Variants in NEIL1 observed in about 807,000 individuals in gnomAD.
NEIL1 encodes the protein endonuclease 8-like 1.
In NEIL1, 31 loss-of-function variants were observed where a neutral mutation model predicts 44.2. The observed-to-expected ratio is 0.70, with a 90% CI of 0.53 to 0.95. The LOEUF is 0.95. Among genes scored for constraint, NEIL1 ranks in the 40% least tolerant of loss-of-function variants. The pLI is 0.00. For synonymous variants in NEIL1, 254 were observed against 209.7 expected (o/e 1.21, Z -1.83); for missense variants, 549 against 515.5 (o/e 1.07, Z -0.63).
rs1491213890 is a variant in NEIL1 at position 75,353,736 on chromosome 15, CAG to C, written c.719-2_719-1del. 1.2e-5 allele frequency: 19 copies of C among 1,613,954 alleles called. No homozygotes were observed. The highest frequency in any genetic ancestry group is 1.6e-5 in the Non-Finnish European group (19 of 1,179,948). ...GATCTCTGCCTGTTCCTCTGTCCCA[CAG>C]GGGGCAAAGGCTACGGGTCAGAGAG... On this transcript the variant is annotated splice_acceptor_variant, in intron 5 of 9. Transcript: ENST00000355059. LOFTEE classifies it high-confidence loss of function.
intron 2 of NEIL1, chr15:75,351,239 GATAAAC>G (rs1272454697): frequency 2.2e-6 from 1 of 448,310 alleles, no homozygotes; most frequent in Admixed American, 2.4e-5. Context: ...AGTCTGAGGT[GATAAAC>G]ACACAACCTC....
In NEIL1 at chr15:75,354,825, T is replaced by C; in HGVS notation, c.1102+7T>C. The C allele has an allele frequency of 6.2e-7, 1 of 1,613,928 alleles. No homozygotes were observed. The highest frequency in any genetic ancestry group is 1.7e-5 in the Admixed American group (1 of 60,012). On this transcript the variant is annotated splice_region_variant and intron_variant, in intron 9 of 9. Coordinates refer to ENST00000355059, the MANE Select transcript of NEIL1 (RefSeq NM_024608.4). ...GGGCGACAGGCAGCCTCTGGTGGGC[T>C]TTCCTCATCACTCCCAGAAACTGGC...
Position 75,355,735 on chromosome 15 carries a change from AC to A in NEIL1, c.*702del. 2.1e-6 allele frequency: 1 copy of A among 471,490 alleles called. No individual in the cohort carries two copies. The highest frequency in any genetic ancestry group is 2.0e-5 in the African/African-American group (1 of 49,152). 29.2% of individuals were successfully genotyped at this position (471,490 alleles called of 1,614,324 possible). A position where few individuals can be genotyped will look rare whatever the true frequency, so the allele number is the denominator to read the frequency against. On this transcript the variant is annotated 3_prime_UTR_variant, in exon 10 of 10. Coordinates refer to ENST00000355059, the MANE Select transcript of NEIL1 (RefSeq NM_024608.4). Reference sequence around the variant, plus strand: ...TACCTGGGAAGCCATCCCACCCCAGACTTCCCACCCCCACCCCAAGCGTGAG... The same window carrying A: ...TACCTGGGAAGCCATCCCACCCCAGATTCCCACCCCCACCCCAAGCGTGAG...
intron 1 of NEIL1, chr15:75,347,987 C>A (rs1352117906): frequency 8.1e-7 from 1 of 1,227,732 alleles, no homozygotes; most frequent in East Asian, 6.7e-5. Context: ...TTCCGAACCG[C>A]CCGGGGACAG....
Position 75,355,518 on chromosome 15 carries a change from C to T in NEIL1, c.*484C>T, listed in dbSNP as rs1211062410. ...CCCCCTCATCCTGGCAGGAGCCAGG[C>T]AAAACCCACCCTTCGGCCCCTCCCC... is the stretch of plus-strand genomic sequence containing the variant. On this transcript the variant is annotated 3_prime_UTR_variant, in exon 10 of 10. Coordinates refer to ENST00000355059, the MANE Select transcript of NEIL1 (RefSeq NM_024608.4). 1.2e-5 allele frequency: 3 copies of T among 244,906 alleles called. No individual in the cohort carries two copies. The highest frequency in any genetic ancestry group is 7.0e-5 in the African/African-American group (3 of 42,738). 15.2% of individuals were successfully genotyped at this position (244,906 alleles called of 1,614,324 possible).
In NEIL1 at chr15:75,354,496, T is replaced by G. The variant is rs534509768; in HGVS notation, c.936+4T>G. The G allele has an allele frequency of 6.2e-7, 1 of 1,614,134 alleles. No homozygotes were observed. Among genetic ancestry groups the G allele is most frequent in the Non-Finnish European group, 8.5e-7 (1 of 1,179,998 alleles). On this transcript the variant is annotated splice_donor_region_variant and intron_variant, in intron 8 of 9. Coordinates refer to ENST00000355059, the MANE Select transcript of NEIL1 (RefSeq NM_024608.4). ...GAGTCCTGAGGACAGAGTGGAGGTATGGCTGCCTGCTCCCGCCTCCTCCCC... is the reference window on the plus strand; with the variant it reads ...GAGTCCTGAGGACAGAGTGGAGGTAGGGCTGCCTGCTCCCGCCTCCTCCCC...
rs760980350 is a variant in NEIL1, at chr15:75,349,010, C to T, written c.105C>T (p.Asn35=). The change falls in exon 2 of 10, where the codon AAC becomes AAT. Residue 35 remains asparagine, a synonymous_variant. Transcript: ENST00000355059. ...TGGAGAAGTCCTCTGTCAGCCGCAA[C>T]CCTGAGGTGCCCTTTGAGAGCAGTG... ...GCVEKSSVSR[N]PEVPFESSAY... is the part of the protein sequence containing the mutation. The T allele has an allele frequency of 3.7e-6, 6 of 1,613,672 alleles. No individual in the cohort carries two copies. The highest frequency in any genetic ancestry group is 5.1e-6 in the Non-Finnish European group (6 of 1,180,038).
intron 6 of NEIL1, 90 bp downstream of exon 6, chr15:75,353,956 G>A (rs539406330): frequency 1.6e-4 from 247 of 1,533,074 alleles, no homozygotes; most frequent in Non-Finnish European, 2.1e-4. Flanking sequence ...TGATGCTCAG[G>A]GTCTGTCTAG....
chr15:75,348,816 A>G (rs966200540), intron 1 of NEIL1, 68 bp from the exon 2 acceptor site: 16 of 1,544,842 alleles, frequency 1.0e-5, no homozygotes, highest in Non-Finnish European at 1.2e-5. Flanking sequence ...TCCTCTAAAA[A>G]TGGGGCTGAC....
At chr15:75,351,101 G>C (rs1357096639) in intron 2 of NEIL1, among the ~76,000 whole-genome samples, 2 of 152,100 alleles carry the variant, frequency 1.3e-5, no homozygotes, top group African/African-American at 4.8e-5. Flanking sequence ...CCAGGATCTT[G>C]AGAAGAATGG....
rs1319150570 is a variant in NEIL1 at position 75,354,961 on chromosome 15, C to T, written c.1103-3C>T. 1.2e-6 allele frequency: 2 copies of T among 1,613,970 alleles called. No individual in the cohort carries two copies. The highest frequency in any genetic ancestry group is 1.3e-5 in the African/African-American group (1 of 74,942). On this transcript the variant is annotated splice_region_variant and splice_polypyrimidine_tract_variant and intron_variant, in intron 9 of 9. Transcript: ENST00000355059. ...CTGACCATCTTGCCTGTTCTTCCCC[C>T]AGGCCACTGCAGACCCCGGAAGGTC...
intron 2 of NEIL1, among the ~76,000 whole-genome samples, chr15:75,350,090 G>A (rs1030410584): frequency 3.3e-5 from 5 of 152,196 alleles, no homozygotes; most frequent in Admixed American, 6.5e-5. Flanking sequence ...TCCCACATCC[G>A]GCCTGCCCAG....
At position 75,356,503 on chromosome 15, in the gene NEIL1, G is replaced by C. The variant is rs1276673603; in HGVS notation, c.*1469G>C. 1 of 1,563,608 alleles carries C rather than the reference G, an allele frequency of 6.4e-7. No homozygotes were observed. The highest frequency in any genetic ancestry group is 2.3e-5 in the East Asian group (1 of 43,582). ...TGGAGAATGGGGGCTACCCTCCCCT[G>C]TCCCTAGAAGGGGCAGGAAGCCAGG... On this transcript the variant is annotated 3_prime_UTR_variant, in exon 10 of 10. Transcript: ENST00000355059. The surrounding 1 kb of genome is among the most constrained non-coding windows in gnomAD (Gnocchi z 5.8).
Position 75,352,306 on chromosome 15 carries a change from G to A in NEIL1, c.555-18G>A. 1.9e-6 allele frequency: 3 copies of A among 1,614,136 alleles called. No individual in the cohort carries two copies. Among genetic ancestry groups the A allele is most frequent in the Non-Finnish European group, 2.5e-6 (3 of 1,180,006 alleles). ...CATTCCCCACTGCCTAGCATGGCTT[G>A]CCTTGCCCCCACTACAGGCTGAAGA... On this transcript the variant is annotated intron_variant, in intron 3 of 9. Transcript: ENST00000355059.
chr15:75,353,669 C>A, intron 5 of NEIL1, 70 bp from the exon 6 acceptor site: 1 of 1,570,686 alleles, frequency 6.4e-7, no homozygotes. Context: ...TGGGCCAGGT[C>A]TAACCAGGCT....
chr15:75,356,715 G>A lies in NEIL1; in HGVS notation c.*1681G>A, dbSNP rs374704943. On this transcript the variant is annotated 3_prime_UTR_variant, in exon 10 of 10. Coordinates refer to ENST00000355059, the MANE Select transcript of NEIL1 (RefSeq NM_024608.4). This position sits in a 1 kb window ranked among gnomAD's most constrained non-coding sequence, Gnocchi z 5.8. ...GGTGAGGAGGGCGCGTAGGGGCCACGCTGAAGCTGTTGGAGTTGTGGTCGG... is the reference window on the plus strand; with the variant it reads ...GGTGAGGAGGGCGCGTAGGGGCCACACTGAAGCTGTTGGAGTTGTGGTCGG... 16 of 1,611,070 alleles carry A rather than the reference G, an allele frequency of 9.9e-6. No homozygotes were observed. Among genetic ancestry groups the A allele is most frequent in the Admixed American group, 3.3e-5 (2 of 59,754 alleles).
intron 1 of NEIL1, chr15:75,347,819 T>G: frequency 1.7e-6 from 2 of 1,148,956 alleles, no homozygotes. Flanking sequence ...AGAGCGCCGC[T>G]CCTCCCCAAA....
Position 75,356,323 on chromosome 15 carries a change from AC to A in NEIL1, c.*1291del. Reference sequence around the variant, plus strand: ...TGCCTGCTTGACGGTCTCCAATACGACCGCGGGTGAAGACACGGAAAACGCA... The same window carrying A: ...TGCCTGCTTGACGGTCTCCAATACGACGCGGGTGAAGACACGGAAAACGCA... On this transcript the variant is annotated 3_prime_UTR_variant, in exon 10 of 10. Transcript: ENST00000355059. This position sits in a 1 kb window ranked among gnomAD's most constrained non-coding sequence, Gnocchi z 5.8. The A allele has an allele frequency of 6.2e-7, 1 of 1,611,254 alleles. No individual in the cohort carries two copies. Among genetic ancestry groups the A allele is most frequent in the Non-Finnish European group, 8.5e-7 (1 of 1,179,228 alleles).
chr15:75,349,309 C>T lies in NEIL1; in HGVS notation c.404C>T (p.Pro135Leu), dbSNP rs1042171470. ...GGAAAGTGGCAGCCGGGCCGCGGGC[C>T]CTGTGTCTTGCAGGAGTACCAGCAG... Reference protein sequence around the residue: ...LGGKWQPGRGPCVLQEYQQFR... With the variant: ...LGGKWQPGRGLCVLQEYQQFR... The change falls in exon 2 of 10, where the codon CCC becomes CTC. Residue 135 changes from proline to leucine, a missense_variant. By Grantham distance (98) the Pro-to-Leu change is moderately conservative. Transcript: ENST00000355059. 5.0e-6 allele frequency: 8 copies of T among 1,609,698 alleles called. No homozygotes were observed. The African/African-American group carries it at 9.3e-5, about 19-fold the overall frequency.
Sources: gnomAD v4.1 joint callset for allele counts (sites outside exome capture counted in the v4.1 genomes callset) on GRCh38, gnomAD v4.1.1 for gene constraint, Gnocchi (gnomAD v3.1) non-coding constraint, MANE v1.5 for transcripts, NCBI Gene and HGNC (gene_info 2026-07-23, HGNC 2026-07-21) for gene names.